Variants in NLRP11 observed in about 807,000 individuals in gnomAD.
NLRP11 encodes NLR family pyrin domain containing 11.
Under a neutral mutation model 79.3 loss-of-function variants are expected in NLRP11, and 53 were observed. That is an observed-to-expected ratio of 0.67 (90% CI 0.54 to 0.84). The LOEUF (loss-of-function observed/expected upper bound fraction) is 0.84. Among genes scored for constraint, NLRP11 ranks in the 40% least tolerant of loss-of-function variants. The pLI is 0.00. For synonymous variants in NLRP11, 518 were observed against 462.6 expected, an observed-to-expected ratio of 1.12 and a Z score of -1.54; for missense variants, 1,264 against 1,255.0, an observed-to-expected ratio of 1.01 and a Z score of -0.11.
chr19:55,802,572 A>T (rs1441200251), intron 4 of NLRP11, among the ~76,000 whole-genome samples: 1 of 152,230 alleles, frequency 6.6e-6, no homozygotes, highest in African/African-American at 2.4e-5. Flanking sequence ...AATATTGTTA[A>T]AATGGCCATA....
rs72006711 is a variant in NLRP11 at position 55,821,249 on chromosome 19, A to ACC, written c.-62-3015_-62-3014dup. Among the ~76,000 whole-genome samples the ACC allele has an allele frequency of 6.5e-3, 806 of 124,238 alleles. 4 individuals carry two copies. The highest frequency in any genetic ancestry group is 9.4e-3 in the Non-Finnish European group (532 of 56,892). The allele number at this position is 124,238 out of a possible 152,430, so 81.5% of individuals were successfully genotyped here. On this transcript the variant is annotated intron_variant, in intron 1 of 9. Coordinates refer to ENST00000589093, the Ensembl canonical transcript of NLRP11. ...CACACACACACACACACACACACAC[A>ACC]CCCCAAGCACTGAGTTTGTAATGAT... is the stretch of plus-strand genomic sequence containing the variant.
Position 55,794,772 on chromosome 19 carries a change from T to A in NLRP11, c.2342+1308A>T, listed in dbSNP as rs919106095. On this transcript the variant is annotated intron_variant, in intron 6 of 9. Transcript: ENST00000589093. ...GAGACTCCGTCTCAAAAAAAAAAAA[T>A]AAATAAAAGCATACATAATGCGATA... 9.5e-3 allele frequency among the ~76,000 whole-genome samples: 1,431 copies of A among 151,362 alleles called. 32 individuals carry two copies. The highest frequency in any genetic ancestry group is 0.033 in the African/African-American group (1,364 of 41,230).
At chr19:55,830,418 T>C (rs902447391) in intron 1 of NLRP11, among the ~76,000 whole-genome samples, 5 of 152,136 alleles carry the variant, frequency 3.3e-5, no homozygotes, top group Non-Finnish European at 7.4e-5. Context: ...TAAACACTGT[T>C]GTATGAGCTT....
intron 1 of NLRP11, among the ~76,000 whole-genome samples, chr19:55,830,321 G>A (rs1982627020): frequency 6.6e-6 from 1 of 152,052 alleles, no homozygotes; most frequent in African/African-American, 2.4e-5. Context: ...AGAGACTTCC[G>A]AGTTCAGGAG....
intron 1 of NLRP11, among the ~76,000 whole-genome samples, chr19:55,820,537 CTT>C (rs1981592148): frequency 6.6e-6 from 1 of 152,130 alleles, no homozygotes. Context: ...CAATCGCACC[CTT>C]TGAGTTCCTA....
intron 2 of NLRP11, among the ~76,000 whole-genome samples, chr19:55,814,936 G>A (rs949169702): frequency 5.9e-5 from 9 of 152,226 alleles, no homozygotes; most frequent in African/African-American, 1.9e-4. Flanking sequence ...GAGTCCCCAC[G>A]GATTGTTATT....
chr19:55,803,908 C>A (rs1020156807), intron 4 of NLRP11, among the ~76,000 whole-genome samples: 2 of 152,080 alleles, frequency 1.3e-5, no homozygotes, highest in Non-Finnish European at 2.9e-5. Context: ...ATGGTGAAAC[C>A]CCGTCTCTAC....
intron 9 of NLRP11, among the ~76,000 whole-genome samples, chr19:55,786,975 T>C (rs1401124922): frequency 2.0e-5 from 3 of 152,224 alleles, no homozygotes; most frequent in Non-Finnish European, 4.4e-5. Context: ...AAACAACTCA[T>C]AGTAGGGTCT....
chr19:55,817,067 A>G (rs752877421), intron 2 of NLRP11, among the ~76,000 whole-genome samples: 4 of 152,206 alleles, frequency 2.6e-5, no homozygotes, highest in Non-Finnish European at 4.4e-5. Context: ...CCTTGAAAAA[A>G]TGAATATGAA....
intron 2 of NLRP11, among the ~76,000 whole-genome samples, chr19:55,814,436 A>G (rs995564734): frequency 4.6e-5 from 7 of 152,166 alleles, no homozygotes; most frequent in South Asian, 2.1e-4. Flanking sequence ...CCATGGAAAA[A>G]TTGTCTTCCG....
chr19:55,798,362 C>A (rs891169646), intron 5 of NLRP11: 1 of 983,838 alleles, frequency 1.0e-6, no homozygotes, highest in Non-Finnish European at 1.2e-6. Context: ...GACAGAGTCA[C>A]AAGATCTGAC....
At chr19:55,805,194 A>C (rs929028244) in intron 4 of NLRP11, among the ~76,000 whole-genome samples, 3 of 152,172 alleles carry the variant, frequency 2.0e-5, no homozygotes, top group African/African-American at 7.2e-5. Flanking sequence ...TTGCAGCAGG[A>C]CATCAGGGCA....
chr19:55,809,630 T>A lies in NLRP11; in HGVS notation c.980A>T (p.His327Leu). 3.7e-6 allele frequency: 6 copies of A among 1,614,218 alleles called. No homozygotes were observed. Among genetic ancestry groups the A allele is most frequent in the Non-Finnish European group, 5.1e-6 (6 of 1,180,032 alleles). ...CAGACCCACGAGTATTTCATCCTCATGTACAAGCTGGAGGGCTGCCGACGC... is the reference window on the plus strand; with the variant it reads ...CAGACCCACGAGTATTTCATCCTCAAGTACAAGCTGGAGGGCTGCCGACGC... The change falls in exon 3 of 10, where the codon CAT (histidine) becomes CTT (leucine). Residue 327 changes from histidine (H) to leucine (L), a missense_variant. His to Leu is a moderately conservative substitution (Grantham distance 99, BLOSUM62 -3). Transcript: ENST00000589093. This position sits in a 1 kb window ranked among gnomAD's most constrained non-coding sequence, Gnocchi z 4.5.
chr19:55,803,548 G>T (rs1979687283), intron 4 of NLRP11, among the ~76,000 whole-genome samples: 1 of 152,100 alleles, frequency 6.6e-6, no homozygotes, highest in Non-Finnish European at 1.5e-5. Flanking sequence ...GAAAACCTTT[G>T]CAAACAATGC....
exon 6 of NLRP11, chr19:55,796,129 T>A: frequency 6.2e-7 from 1 of 1,614,148 alleles, no homozygotes. Flanking sequence ...TCACACAGTA[T>A]GTTCATCCCG....
At chr19:55,788,045 G>A (rs919998876) in intron 9 of NLRP11, among the ~76,000 whole-genome samples, 1 of 152,200 alleles carries the variant, frequency 6.6e-6, no homozygotes. Context: ...CACATAGACT[G>A]TAAGATAGTG....
chr19:55,810,601 A>C (rs1418860522), intron 2 of NLRP11, among the ~76,000 whole-genome samples: 1 of 152,148 alleles, frequency 6.6e-6, no homozygotes, highest in African/African-American at 2.4e-5. Context: ...GGTTCAAGCG[A>C]TTCTCCTGCC....
Position 55,822,825 on chromosome 19 carries a change from T to G in NLRP11, c.-62-4589A>C, listed in dbSNP as rs367775740. Reference sequence around the variant, plus strand: ...TGAGATCAAACTGCAAGGCGGCAGCTAGGCTGGGGGAGGGGCGCCCGCCAT... The same window carrying G: ...TGAGATCAAACTGCAAGGCGGCAGCGAGGCTGGGGGAGGGGCGCCCGCCAT... On this transcript the variant is annotated intron_variant, in intron 1 of 9. Transcript: ENST00000589093. 7.7e-4 allele frequency among the ~76,000 whole-genome samples: 117 copies of G among 152,032 alleles called. 1 individual carries two copies. Among genetic ancestry groups the G allele is most frequent in the Admixed American group, 3.0e-3 (46 of 15,296 alleles).
Position 55,808,756 on chromosome 19 carries a change from T to C in NLRP11, c.1841+13A>G. The C allele has an allele frequency of 6.3e-7, 1 of 1,583,804 alleles. No individual in the cohort carries two copies. The highest frequency in any genetic ancestry group is 8.6e-7 in the Non-Finnish European group (1 of 1,167,106). On this transcript the variant is annotated intron_variant, in intron 3 of 9. Coordinates refer to ENST00000589093, the Ensembl canonical transcript of NLRP11. ...GGAAGACAGGAAAGAGGATTTATTT[T>C]TTAAAGACTCACCTAGCAGTTGGCC...
Sources: gnomAD v4.1 joint callset for allele counts (sites outside exome capture counted in the v4.1 genomes callset) on GRCh38, gnomAD v4.1.1 for gene constraint, Gnocchi (gnomAD v3.1) non-coding constraint, MANE v1.5 for transcripts, NCBI Gene and HGNC (gene_info 2026-07-23, HGNC 2026-07-21) for gene names.